The following PARD3 variants were observed in gnomAD, a reference collection of about 807,000 sequenced individuals.
PARD3 encodes the protein partitioning defective 3 homolog.
PARD3 carries 75 observed loss-of-function variants against 155.4 expected under a neutral mutation model. The ratio of observed to expected loss-of-function variants is 0.48; its 90% CI spans 0.40 to 0.58. The LOEUF is 0.58. PARD3 is among the 20% of genes least tolerant of loss of function. The probability of loss-of-function intolerance (pLI) is 0.00; values close to 1 mark genes in which losing one functional copy is unlikely to be tolerated. For synonymous variants in PARD3, 576 were observed against 610.5 expected, an observed-to-expected ratio of 0.94 and a Z score of 0.83; for missense variants, 1,642 against 1,721.7, an observed-to-expected ratio of 0.95 and a Z score of 0.82.
At chr10:34,706,352 T>C (rs556364034) in intron 1 of PARD3, among the ~76,000 whole-genome samples, 1 of 152,280 alleles carries the variant, frequency 6.6e-6, no homozygotes, top group East Asian at 1.9e-4. Context: ...AGACTAACAC[T>C]GGCAGTTTCC....
chr10:34,569,270 A>T (rs1454140680), intron 2 of PARD3, among the ~76,000 whole-genome samples: 1 of 152,230 alleles, frequency 6.6e-6, no homozygotes, highest in Non-Finnish European at 1.5e-5. Flanking sequence ...GGAAATGTTC[A>T]TGTTACCACA....
At chr10:34,657,429 C>G (rs1176621787) in intron 2 of PARD3, among the ~76,000 whole-genome samples, 1 of 152,176 alleles carries the variant, frequency 6.6e-6, no homozygotes. Flanking sequence ...TGACAATCAC[C>G]TGATAACCAT....
rs1367194304 is a variant in PARD3 at position 34,354,119 on chromosome 10, CT to C, written c.2067+5027del. ...TTTCAGTTTCTAATACTAACAAGAC[CT>C]GTCTTTCTTCAAAAAAAAAAAACAA... On this transcript the variant is annotated intron_variant, in intron 14 of 24. Transcript: ENST00000374788. 4.1e-5 allele frequency among the ~76,000 whole-genome samples: 6 copies of C among 147,278 alleles called. No individual in the cohort carries two copies. The South Asian group carries it at 1.1e-3, about 28-fold the overall frequency.
chr10:34,414,693 A>G (rs1235887735), intron 5 of PARD3, among the ~76,000 whole-genome samples: 1 of 152,066 alleles, frequency 6.6e-6, no homozygotes, highest in Non-Finnish European at 1.5e-5. Flanking sequence ...AATCTATTAT[A>G]TATTTCAAAA....
intron 2 of PARD3, among the ~76,000 whole-genome samples, chr10:34,634,069 G>A (rs762385959): frequency 6.6e-6 from 1 of 152,166 alleles, no homozygotes; most frequent in Non-Finnish European, 1.5e-5. Context: ...GACCCAGGAA[G>A]CTACACAATG....
chr10:34,313,045 AACGAAC>A (rs1057128372), intron 20 of PARD3, among the ~76,000 whole-genome samples: 1 of 152,198 alleles, frequency 6.6e-6, no homozygotes, highest in African/African-American at 2.4e-5. Context: ...TTCCTTTAAA[AACGAAC>A]ACATTTAAAA....
intron 3 of PARD3, among the ~76,000 whole-genome samples, chr10:34,496,228 AAAAG>A (rs1445583872): frequency 6.6e-6 from 1 of 152,092 alleles, no homozygotes; most frequent in African/African-American, 2.4e-5. Flanking sequence ...AGAAAAAAAA[AAAAG>A]AAACAAAAAC....
intron 2 of PARD3, among the ~76,000 whole-genome samples, chr10:34,574,719 G>A (rs533754819): frequency 3.3e-5 from 5 of 152,204 alleles, no homozygotes; most frequent in African/African-American, 4.8e-5. Context: ...AGAGAACCAC[G>A]GAACCAAGAT....
chr10:34,794,238 A>C (rs920689729), intron 1 of PARD3, among the ~76,000 whole-genome samples: 7 of 152,078 alleles, frequency 4.6e-5, no homozygotes, highest in Admixed American at 3.3e-4. Flanking sequence ...TACCCTTTCC[A>C]CTGTATTTTT....
rs957774275 is a variant in PARD3 at position 34,194,604 on chromosome 10, T to C, written c.3420-63021A>G. Among the ~76,000 whole-genome samples the C allele has an allele frequency of 1.1e-4, 15 of 137,878 alleles. No individual in the cohort carries two copies. In the East Asian group the frequency reaches 3.0e-3, roughly 27 times the overall value. The allele number at this position is 137,878 out of a possible 152,430, so 90.5% of individuals were successfully genotyped here. Reference sequence around the variant, plus strand: ...ACATCACTATGAATACCCTGGAATATGCCAAAGCTTTTTTTTTTTTTTTTT... The same window carrying C: ...ACATCACTATGAATACCCTGGAATACGCCAAAGCTTTTTTTTTTTTTTTTT... On this transcript the variant is annotated intron_variant, in intron 22 of 24. Coordinates refer to ENST00000374788, the MANE Select transcript of PARD3 (RefSeq NM_001184785.2).
intron 22 of PARD3, among the ~76,000 whole-genome samples, chr10:34,216,221 C>T (rs756897140): frequency 1.3e-5 from 2 of 152,098 alleles, no homozygotes; most frequent in African/African-American, 2.4e-5. Flanking sequence ...GAAACATGCA[C>T]AAAATTGAGC....
chr10:34,606,712 G>A (rs2090485934), intron 2 of PARD3, among the ~76,000 whole-genome samples: 1 of 150,632 alleles, frequency 6.6e-6, no homozygotes, highest in African/African-American at 2.4e-5. Flanking sequence ...GCTCACGCCT[G>A]TAATCCCAGC....
chr10:34,500,757 T>C (rs1291984562), intron 3 of PARD3, among the ~76,000 whole-genome samples: 2 of 152,068 alleles, frequency 1.3e-5, no homozygotes, highest in Non-Finnish European at 2.9e-5. Flanking sequence ...ATAACATAAA[T>C]TATAATAACA....
intron 22 of PARD3, among the ~76,000 whole-genome samples, chr10:34,218,628 G>A (rs1274463): frequency 0.57 from 86,118 of 151,904 alleles, 25,339 homozygotes; most frequent in African/African-American, 0.7. Context: ...ATTTTTTTTT[G>A]AAGTTTTCAA....
chr10:34,502,449 T>C (rs1030730964), intron 3 of PARD3, among the ~76,000 whole-genome samples: 2 of 150,894 alleles, frequency 1.3e-5, no homozygotes, highest in Non-Finnish European at 3.0e-5. Flanking sequence ...CTGCCAACCC[T>C]GGATTTCAGC....
chr10:34,409,817 A>G (rs1236418421), intron 5 of PARD3, among the ~76,000 whole-genome samples: 2 of 152,236 alleles, frequency 1.3e-5, no homozygotes, highest in African/African-American at 4.8e-5. Flanking sequence ...TTCCCAGTAT[A>G]TGATACAAAT....
chr10:34,388,803 G>T (rs1159176827), intron 7 of PARD3, among the ~76,000 whole-genome samples: 1 of 152,262 alleles, frequency 6.6e-6, no homozygotes, highest in African/African-American at 2.4e-5. Context: ...AAAGAGGTAG[G>T]TGTCAGGAAA....
intron 5 of PARD3, among the ~76,000 whole-genome samples, chr10:34,419,213 A>G (rs895149191): frequency 2.0e-5 from 3 of 152,280 alleles, no homozygotes; most frequent in South Asian, 4.1e-4. Flanking sequence ...GGGAGAATGG[A>G]TAAGAAGTAA....
chr10:34,331,406 T>C (rs11009737), intron 18 of PARD3, 62 bp from the exon 19 acceptor site: 31,329 of 1,049,554 alleles, frequency 0.03, 945 homozygotes, highest in African/African-American at 0.13. Context: ...TACCTGAATA[T>C]GCACTGTCGA....
Sources: allele counts gnomAD v4.1 joint callset (sites outside exome capture counted in the v4.1 genomes callset), GRCh38; gene constraint gnomAD v4.1.1; transcripts MANE v1.5; gene names NCBI Gene and HGNC (gene_info 2026-07-23, HGNC 2026-07-21).